Variants in EPB41L4A observed in about 807,000 individuals in gnomAD.
The protein encoded by EPB41L4A is band 4.1-like protein 4A.
Under a neutral mutation model 108.6 loss-of-function variants are expected in EPB41L4A, and 100 were observed. The ratio of observed to expected loss-of-function variants is 0.92; its 90% CI spans 0.78 to 1.09. EPB41L4A has a LOEUF of 1.09. Among genes scored for constraint, EPB41L4A ranks in the 50% least tolerant of loss-of-function variants. EPB41L4A has a pLI of 0.00. For missense variants in EPB41L4A, 1,030 were observed against 842.7 expected (o/e 1.22, Z -2.75); for synonymous variants, 319 against 289.0 (o/e 1.10, Z -1.05).
intron 2 of EPB41L4A, among the ~76,000 whole-genome samples, chr5:112,282,779 T>C (rs1399545450): frequency 2.6e-5 from 4 of 152,228 alleles, no homozygotes; most frequent in African/African-American, 7.2e-5. Flanking sequence ...TTTGGTCTTA[T>C]TACTGTCTGT....
At chr5:112,308,834 T>C (rs1171257822) in intron 1 of EPB41L4A, among the ~76,000 whole-genome samples, 1 of 152,208 alleles carries the variant, frequency 6.6e-6, no homozygotes, top group African/African-American at 2.4e-5. Context: ...GAGTATATGT[T>C]TTCCCCGCAC....
chr5:112,191,708 A>G (rs1401069958), intron 17 of EPB41L4A, among the ~76,000 whole-genome samples: 2 of 151,960 alleles, frequency 1.3e-5, no homozygotes, highest in Non-Finnish European at 2.9e-5. Flanking sequence ...AAGAAGGAGT[A>G]GCAGAGGGAG....
upstream of EPB41L4A, chr5:112,419,717 G>T (rs1580877421): frequency 2.2e-6 from 1 of 456,628 alleles, no homozygotes; most frequent in Admixed American, 2.3e-5. Flanking sequence ...CGCAAGCGCC[G>T]AGGAGCCGGA....
At chr5:112,179,723 T>C (rs1450516454) in intron 18 of EPB41L4A, among the ~76,000 whole-genome samples, 1 of 152,178 alleles carries the variant, frequency 6.6e-6, no homozygotes, top group Non-Finnish European at 1.5e-5. Flanking sequence ...ACATATTGAA[T>C]GCTCTCCCTT....
intron 1 of EPB41L4A, among the ~76,000 whole-genome samples, chr5:112,378,252 T>G (rs77764421): frequency 6.6e-6 from 1 of 151,392 alleles, no homozygotes; most frequent in Admixed American, 6.6e-5. Context: ...TGGTAAAAAT[T>G]ATGTCTGTTC....
At position 112,395,631 on chromosome 5, in the gene EPB41L4A, C is replaced by T. The variant is rs566331042; in HGVS notation, c.99+23310G>A. On this transcript the variant is annotated intron_variant, in intron 1 of 22. Transcript: ENST00000261486. ...GAGAGGATGTGGAGAAATAGGAACA[C>T]TTTTACACTGTTGGTGGGGAATGTA... Among the ~76,000 whole-genome samples the T allele has an allele frequency of 3.3e-5, 5 of 152,306 alleles. No homozygotes were observed. In the East Asian group the frequency reaches 7.7e-4, roughly 24 times the overall value.
chr5:112,327,187 T>C (rs1295966752), intron 1 of EPB41L4A, among the ~76,000 whole-genome samples: 1 of 152,118 alleles, frequency 6.6e-6, no homozygotes, highest in Non-Finnish European at 1.5e-5. Flanking sequence ...GGACAAGACA[T>C]TAAGACTCAA....
intron 12 of EPB41L4A, among the ~76,000 whole-genome samples, chr5:112,220,246 T>C (rs775931245): frequency 2.0e-5 from 3 of 152,222 alleles, no homozygotes; most frequent in Non-Finnish European, 4.4e-5. Context: ...TATCTAACAG[T>C]GATATATTAT....
At chr5:112,386,670 T>C (rs968503776) in intron 1 of EPB41L4A, among the ~76,000 whole-genome samples, 1 of 152,228 alleles carries the variant, frequency 6.6e-6, no homozygotes, top group Admixed American at 6.5e-5. Flanking sequence ...GTATCAACTT[T>C]CTTTTTAATC....
intron 12 of EPB41L4A, among the ~76,000 whole-genome samples, chr5:112,152,343 C>T (rs1333452036): frequency 6.6e-6 from 1 of 151,926 alleles, no homozygotes; most frequent in African/African-American, 2.4e-5. Flanking sequence ...TTTAAAAATC[C>T]AATCTTATGA....
chr5:112,212,063 C>T (rs953210272), intron 12 of EPB41L4A, among the ~76,000 whole-genome samples: 1 of 152,170 alleles, frequency 6.6e-6, no homozygotes, highest in Non-Finnish European at 1.5e-5. Flanking sequence ...AACTACTCCA[C>T]GTGCCATCAA....
At chr5:112,419,707 C>A (rs1431664089), upstream of EPB41L4A, 1 of 456,712 alleles carries the variant, frequency 2.2e-6, no homozygotes, top group Non-Finnish European at 4.4e-6. Flanking sequence ...GTCCCCCAGC[C>A]GCAAGCGCCG....
At chr5:112,381,757 C>T (rs1760191265) in intron 1 of EPB41L4A, among the ~76,000 whole-genome samples, 1 of 152,230 alleles carries the variant, frequency 6.6e-6, no homozygotes, top group African/African-American at 2.4e-5. Flanking sequence ...CACAACCAGA[C>T]ACAGTTGAGA....
intron 12 of EPB41L4A, among the ~76,000 whole-genome samples, chr5:112,230,917 T>C (rs1748870467): frequency 6.6e-6 from 1 of 152,132 alleles, no homozygotes; most frequent in African/African-American, 2.4e-5. Flanking sequence ...AGTGAGACTC[T>C]GTCTCAAGAA....
At chr5:112,227,991 T>C (rs1748591002) in intron 12 of EPB41L4A, among the ~76,000 whole-genome samples, 1 of 152,174 alleles carries the variant, frequency 6.6e-6, no homozygotes, top group African/African-American at 2.4e-5. Flanking sequence ...AACTACAAAG[T>C]GCTCACGTCT....
chr5:112,149,330 G>A (rs1759378158), intron 12 of EPB41L4A, among the ~76,000 whole-genome samples: 1 of 152,140 alleles, frequency 6.6e-6, no homozygotes, highest in South Asian at 2.1e-4. Flanking sequence ...ATATTAGCCA[G>A]GCGTGGTGGC....
chr5:112,321,053 T>G (rs1014679391), intron 1 of EPB41L4A, among the ~76,000 whole-genome samples: 3 of 152,212 alleles, frequency 2.0e-5, no homozygotes, highest in African/African-American at 7.2e-5. Flanking sequence ...AGGGTGTTCA[T>G]ATCTTGCCTG....
chr5:112,192,566 A>G (rs1366143), intron 17 of EPB41L4A, among the ~76,000 whole-genome samples: 39,677 of 152,134 alleles, frequency 0.26, 6,412 homozygotes, highest in East Asian at 0.67. Flanking sequence ...CCGTTATTCT[A>G]AAATATACTT....
intron 9 of EPB41L4A, among the ~76,000 whole-genome samples, chr5:112,250,241 C>G (rs181105244): frequency 1.3e-5 from 2 of 152,132 alleles, no homozygotes; most frequent in East Asian, 3.9e-4. Context: ...ACCATCTTAC[C>G]CATTTTAAGG....
Sources: allele counts gnomAD v4.1 joint callset (sites outside exome capture counted in the v4.1 genomes callset), GRCh38; gene constraint gnomAD v4.1.1; transcripts MANE v1.5; gene names NCBI Gene and HGNC (gene_info 2026-07-23, HGNC 2026-07-21).